The following STRN3 variants were observed in gnomAD, a reference collection of about 807,000 sequenced individuals.
STRN3 encodes the protein striatin-3.
A neutral mutation model predicts 95.6 loss-of-function variants in STRN3; 29 were observed. The ratio of observed to expected loss-of-function variants is 0.30; its 90% CI spans 0.23 to 0.41. The LOEUF (loss-of-function observed/expected upper bound fraction) is 0.41. STRN3 is among the 10% of genes least tolerant of loss of function. The pLI, the probability that STRN3 is intolerant of heterozygous loss-of-function variation, is 1.00. For synonymous variants in STRN3, 331 were observed against 357.6 expected (o/e 0.93, Z 0.84); for missense variants, 890 against 972.1 (o/e 0.92, Z 1.12).
chr14:30,990,553 G>A (rs1881906000), intron 1 of STRN3, among the ~76,000 whole-genome samples: 1 of 152,054 alleles, frequency 6.6e-6, no homozygotes, highest in Non-Finnish European at 1.5e-5. Context: ...GAAGACCACA[G>A]AATTTAGGGT....
chr14:30,958,051 T>C (rs1193263137), intron 1 of STRN3, among the ~76,000 whole-genome samples: 1 of 152,198 alleles, frequency 6.6e-6, no homozygotes, highest in East Asian at 1.9e-4. Flanking sequence ...TAAAAAAAGT[T>C]TGTATGAAAT....
At position 30,924,590 on chromosome 14, in the gene STRN3, C is replaced by T. The variant is rs1225085259; in HGVS notation, c.1099+4611G>A. On this transcript the variant is annotated intron_variant, in intron 8 of 17. Coordinates refer to ENST00000357479, the MANE Select transcript of STRN3 (RefSeq NM_001083893.2). ...TACATGCATGAACCACTGCACCCAG[C>T]CTCATGCTTGAAATCTTAATGCTTT... Among the ~76,000 whole-genome samples the T allele has an allele frequency of 2.0e-5, 3 of 152,254 alleles. No homozygotes were observed. The South Asian group carries it at 6.2e-4, about 32-fold the overall frequency.
At chr14:30,985,168 A>AT (rs1296732313) in intron 1 of STRN3, among the ~76,000 whole-genome samples, 1 of 147,656 alleles carries the variant, frequency 6.8e-6, no homozygotes, top group Non-Finnish European at 1.5e-5. Flanking sequence ...AATACAAAAA[A>AT]TTACAGCCGG....
At chr14:30,908,862 T>C (rs1029593927) in intron 13 of STRN3, among the ~76,000 whole-genome samples, 1 of 152,214 alleles carries the variant, frequency 6.6e-6, no homozygotes, top group Non-Finnish European at 1.5e-5. Flanking sequence ...AATGTATTAT[T>C]TGTATAGAGA....
intron 8 of STRN3, among the ~76,000 whole-genome samples, chr14:30,928,715 T>G (rs1878316267): frequency 6.6e-6 from 1 of 152,114 alleles, no homozygotes; most frequent in Non-Finnish European, 1.5e-5. Context: ...CCCAAGAGAT[T>G]CTTTTTGCTA....
chr14:31,004,395 T>C (rs1194707900), intron 1 of STRN3, among the ~76,000 whole-genome samples: 1 of 151,996 alleles, frequency 6.6e-6, no homozygotes, highest in African/African-American at 2.4e-5. Context: ...AGCCATTGCA[T>C]TCCAGCCAGG....
In STRN3 at chr14:30,906,907, G is replaced by A. The variant is rs777552459; in HGVS notation, c.1858C>T (p.Pro620Ser). The change falls in exon 14 of 18, where the codon CCA becomes TCA. Residue 620 changes from proline to serine, a missense_variant. Physicochemically the swap from Pro to Ser is moderately conservative, Grantham distance 74. Coordinates refer to ENST00000357479, the MANE Select transcript of STRN3 (RefSeq NM_001083893.2). ...TCTCCATTGTAAGTGCAAATACATG[G>A]CAATTTTTCTTGTGGATTCCATAAC... Reference protein sequence around the residue: ...VRLWNPQEKLPCICTYNGDKK... With the variant: ...VRLWNPQEKLSCICTYNGDKK... 67 of 1,612,220 alleles carry A rather than the reference G, an allele frequency of 4.2e-5. No homozygotes were observed. The highest frequency in any genetic ancestry group is 1.6e-4 in the Middle Eastern group (1 of 6,072).
chr14:31,014,178 T>C (rs544301386), intron 1 of STRN3, among the ~76,000 whole-genome samples: 1 of 152,114 alleles, frequency 6.6e-6, no homozygotes, highest in Non-Finnish European at 1.5e-5. Flanking sequence ...GTGCTGGGAT[T>C]ATAGGAAGGA....
chr14:31,022,555 G>A (rs1192895867), intron 1 of STRN3, among the ~76,000 whole-genome samples: 1 of 151,638 alleles, frequency 6.6e-6, no homozygotes, highest in Non-Finnish European at 1.5e-5. Context: ...ACTATGCCTT[G>A]CAGCAGCATC....
intron 8 of STRN3, among the ~76,000 whole-genome samples, 167 bp downstream of exon 8, chr14:30,929,034 A>G (rs187212770): frequency 2.6e-5 from 4 of 152,268 alleles, no homozygotes; most frequent in East Asian, 3.9e-4. Context: ...TCAATAACAC[A>G]TCCTAAATTA....
intron 1 of STRN3, among the ~76,000 whole-genome samples, chr14:30,975,595 G>C (rs1881060454): frequency 6.8e-6 from 1 of 146,646 alleles, no homozygotes; most frequent in Non-Finnish European, 1.5e-5. Flanking sequence ...AGAAAGAAAA[G>C]AAAAGAAAAA....
chr14:30,920,933 A>G (rs560633807), intron 8 of STRN3, among the ~76,000 whole-genome samples: 6 of 152,184 alleles, frequency 3.9e-5, no homozygotes, highest in Admixed American at 2.0e-4. Context: ...AATGATCCAC[A>G]ATACAAACTC....
At chr14:30,999,221 T>A (rs901876303) in intron 1 of STRN3, among the ~76,000 whole-genome samples, 1 of 151,422 alleles carries the variant, frequency 6.6e-6, no homozygotes, top group Non-Finnish European at 1.5e-5. Context: ...AATTTTTTTA[T>A]TTTTTGTGGA....
At chr14:30,908,961 G>A (rs1896538424) in intron 13 of STRN3, among the ~76,000 whole-genome samples, 1 of 152,102 alleles carries the variant, frequency 6.6e-6, no homozygotes. Context: ...CCTTTAACAT[G>A]CCTAAAATCT....
chr14:30,924,230 A>G lies in STRN3; in HGVS notation c.1099+4971T>C, dbSNP rs563781778. On this transcript the variant is annotated intron_variant, in intron 8 of 17. Coordinates refer to ENST00000357479, the MANE Select transcript of STRN3 (RefSeq NM_001083893.2). ...AACTACTCAAAAAAAAAAAAACAAA[A>G]AAACAAAAAACAACAAAAAAAAAAC... Among the ~76,000 whole-genome samples the G allele has an allele frequency of 2.6e-3, 40 of 15,682 alleles. No individual in the cohort carries two copies. In the East Asian group the frequency reaches 0.042, roughly 17 times the overall value. 10.3% of individuals were successfully genotyped at this position (15,682 alleles called of 152,430 possible). A position where few individuals can be genotyped will look rare whatever the true frequency, so the allele number is the denominator to read the frequency against.
chr14:30,952,954 A>T (rs1879725445), intron 3 of STRN3, among the ~76,000 whole-genome samples: 1 of 152,188 alleles, frequency 6.6e-6, no homozygotes, highest in South Asian at 2.1e-4. Context: ...TCTACCTGAA[A>T]ATATACATAA....
intron 1 of STRN3, among the ~76,000 whole-genome samples, chr14:30,995,963 T>G (rs917137485): frequency 6.6e-6 from 1 of 152,174 alleles, no homozygotes; most frequent in African/African-American, 2.4e-5. Flanking sequence ...ATCCAATGAC[T>G]GATCAAACCT....
intron 1 of STRN3, among the ~76,000 whole-genome samples, chr14:30,986,611 T>C (rs6571380): frequency 2.6e-5 from 4 of 152,082 alleles, no homozygotes; most frequent in African/African-American, 7.2e-5. Context: ...CCACATCATT[T>C]TATCCTACTA....
chr14:30,899,359 T>A (rs1019246009), intron 16 of STRN3, among the ~76,000 whole-genome samples: 3 of 152,208 alleles, frequency 2.0e-5, no homozygotes, highest in Admixed American at 1.3e-4. Context: ...AAATAAATAG[T>A]AGAAATTGAA....
Sources: allele counts gnomAD v4.1 joint callset (sites outside exome capture counted in the v4.1 genomes callset), GRCh38; gene constraint gnomAD v4.1.1; transcripts MANE v1.5; gene names NCBI Gene and HGNC (gene_info 2026-07-23, HGNC 2026-07-21).